Variants in PDE1C observed in about 807,000 individuals in gnomAD.
PDE1C encodes the protein dual specificity calcium/calmodulin-dependent 3',5'-cyclic nucleotide phosphodiesterase 1C.
In PDE1C, 62 loss-of-function variants were observed where a neutral mutation model predicts 93.1. That is an observed-to-expected ratio of 0.67 (90% CI 0.54 to 0.82). The LOEUF is 0.82. Ranked by LOEUF, PDE1C falls within the 40% of genes least tolerant of loss-of-function variation. The probability of loss-of-function intolerance (pLI) is 0.00; values close to 1 mark genes in which losing one functional copy is unlikely to be tolerated. For synonymous variants in PDE1C, 325 were observed against 310.1 expected, an observed-to-expected ratio of 1.05 and a Z score of -0.50; for missense variants, 742 against 884.6, an observed-to-expected ratio of 0.84 and a Z score of 2.04.
intron 16 of PDE1C, among the ~76,000 whole-genome samples, chr7:31,790,583 T>C (rs1158615672): frequency 2.6e-5 from 4 of 152,140 alleles, no homozygotes; most frequent in Admixed American, 1.3e-4. Flanking sequence ...TGTTGCCAGA[T>C]CTGGTCAATC....
At chr7:31,713,370 C>T in the PDE1C span, among the ~76,000 whole-genome samples, 1 of 152,228 alleles carries the variant, frequency 6.6e-6, no homozygotes, top group Non-Finnish European at 1.5e-5. Flanking sequence ...GAGGTGGGCT[C>T]CCATGGCCTT....
chr7:32,339,275 T>C (rs28628417), intron 1 of PDE1C, among the ~76,000 whole-genome samples: 10,871 of 152,122 alleles, frequency 0.071, 1,360 homozygotes, highest in African/African-American at 0.25. Context: ...ATAGGACAAA[T>C]ACTGTATTAT....
chr7:31,852,704 C>G (rs1430864819), intron 7 of PDE1C, among the ~76,000 whole-genome samples: 1 of 152,146 alleles, frequency 6.6e-6, no homozygotes, highest in Non-Finnish European at 1.5e-5. Context: ...AAGCCACACA[C>G]CACGCCTGCA....
intron 3 of PDE1C, among the ~76,000 whole-genome samples, chr7:32,157,248 G>T (rs1210780963): frequency 6.6e-6 from 1 of 152,066 alleles, no homozygotes; most frequent in African/African-American, 2.4e-5. Flanking sequence ...ACAGTTAGAA[G>T]GAATAAGTTC....
chr7:31,909,927 C>T (rs1437078047), intron 2 of PDE1C, among the ~76,000 whole-genome samples: 1 of 152,152 alleles, frequency 6.6e-6, no homozygotes, highest in East Asian at 1.9e-4. Flanking sequence ...TGCAGTGTAG[C>T]ATGTTTAACA....
At chr7:31,630,949 C>T in the PDE1C span, among the ~76,000 whole-genome samples, 1 of 151,976 alleles carries the variant, frequency 6.6e-6, no homozygotes, top group Non-Finnish European at 1.5e-5. Flanking sequence ...GAGGTAGAAA[C>T]AGTCTTTTTA....
At chr7:32,290,059 CT>C (rs1363088888) in intron 1 of PDE1C, among the ~76,000 whole-genome samples, 1 of 152,178 alleles carries the variant, frequency 6.6e-6, no homozygotes. Flanking sequence ...GCCTCCAAGC[CT>C]GCCCAGGGTC....
the PDE1C span, among the ~76,000 whole-genome samples, chr7:31,638,717 G>A: frequency 0.014 from 2,127 of 152,102 alleles, 20 homozygotes; most frequent in Non-Finnish European, 0.019. Context: ...TTCTCTGGTT[G>A]ATTTTAAGGG....
intron 1 of PDE1C, among the ~76,000 whole-genome samples, chr7:32,341,365 C>T (rs1472674756): frequency 6.7e-6 from 1 of 149,416 alleles, no homozygotes; most frequent in Non-Finnish European, 1.5e-5. Flanking sequence ...TTAGTAGAGA[C>T]GGGGTTTCAC....
chr7:32,223,936 C>A (rs1807067217), intron 1 of PDE1C, among the ~76,000 whole-genome samples: 1 of 152,174 alleles, frequency 6.6e-6, no homozygotes, highest in Non-Finnish European at 1.5e-5. Context: ...ATCCCTCTGG[C>A]CTTGTCCCCA....
rs1357549880 is a variant in PDE1C at position 31,839,120 on chromosome 7, AAT to A, written c.981-1151_981-1150del. On this transcript the variant is annotated intron_variant, in intron 9 of 17. Transcript: ENST00000396191. ...ATACACATATATGTATTATATATTA[AAT>A]ATGTGTGTATATATGTATATATAGA... 2.0e-5 allele frequency among the ~76,000 whole-genome samples: 3 copies of A among 148,710 alleles called. 1 individual carries two copies. The highest frequency in any genetic ancestry group is 4.2e-4 in the South Asian group (2 of 4,774).
chr7:32,359,147 AGTTTAGC>A (rs1286790721), intron 1 of PDE1C, among the ~76,000 whole-genome samples: 1 of 152,140 alleles, frequency 6.6e-6, no homozygotes, highest in Non-Finnish European at 1.5e-5. Context: ...CAGTTAAGTC[AGTTTAGC>A]AAGAATTTCT....
chr7:31,720,952 A>G, the PDE1C span, among the ~76,000 whole-genome samples: 2 of 152,328 alleles, frequency 1.3e-5, no homozygotes, highest in East Asian at 1.9e-4. Context: ...ATTTCAGAGA[A>G]AAAAAAGAGT....
At chr7:31,929,380 G>A (rs577591105) in intron 2 of PDE1C, among the ~76,000 whole-genome samples, 1 of 152,220 alleles carries the variant, frequency 6.6e-6, no homozygotes, top group East Asian at 1.9e-4. Flanking sequence ...ACAGATCGAT[G>A]AGACAGAAAA....
chr7:31,734,660 A>G, the PDE1C span, among the ~76,000 whole-genome samples: 1 of 152,196 alleles, frequency 6.6e-6, no homozygotes, highest in Non-Finnish European at 1.5e-5. Flanking sequence ...CAATTATCGA[A>G]AAAAATCAAG....
chr7:32,160,851 G>A (rs1801875047), intron 3 of PDE1C, among the ~76,000 whole-genome samples: 1 of 150,792 alleles, frequency 6.6e-6, no homozygotes, highest in African/African-American at 2.4e-5. Context: ...GAGAGAAAGG[G>A]AGGGAGGGAG....
chr7:31,717,244 T>C, the PDE1C span, among the ~76,000 whole-genome samples: 4 of 152,254 alleles, frequency 2.6e-5, no homozygotes, highest in African/African-American at 9.6e-5. Flanking sequence ...TATTTTGAAT[T>C]TCTTTATACA....
chr7:31,618,502 A>C, the PDE1C span, among the ~76,000 whole-genome samples: 4 of 152,176 alleles, frequency 2.6e-5, no homozygotes, highest in South Asian at 2.1e-4. Flanking sequence ...CCAAAGCCTA[A>C]TCCCAAGAAA....
At chr7:32,274,084 AG>A (rs542778999) in intron 1 of PDE1C, among the ~76,000 whole-genome samples, 142 of 152,350 alleles carry the variant, frequency 9.3e-4, no homozygotes, top group Non-Finnish European at 1.7e-3. Flanking sequence ...TAGAACTAGA[AG>A]GGGTCTTAGA....
Sources: gnomAD v4.1 joint callset for allele counts (sites outside exome capture counted in the v4.1 genomes callset) on GRCh38, gnomAD v4.1.1 for gene constraint, MANE v1.5 for transcripts, NCBI Gene and HGNC (gene_info 2026-07-23, HGNC 2026-07-21) for gene names.